Variants in RSU1 observed in about 807,000 individuals in gnomAD.
RSU1 encodes the protein Ras suppressor protein 1, also known as rsu-1.
A neutral mutation model predicts 31.1 loss-of-function variants in RSU1; 26 were observed. That is an observed-to-expected ratio of 0.84 (90% CI 0.61 to 1.16). The LOEUF is 1.16. RSU1 is among the 50% of genes most tolerant of loss of function. The probability of loss-of-function intolerance (pLI) is 0.00; values close to 1 mark genes in which losing one functional copy is unlikely to be tolerated. For synonymous variants in RSU1, 164 were observed against 136.3 expected, an observed-to-expected ratio of 1.20 and a Z score of -1.41; for missense variants, 320 against 339.1, an observed-to-expected ratio of 0.94 and a Z score of 0.44.
chr10:16,614,812 C>T (rs747921389), intron 8 of RSU1, among the ~76,000 whole-genome samples: 40 of 152,222 alleles, frequency 2.6e-4, no homozygotes, highest in Non-Finnish European at 3.8e-4. Flanking sequence ...AGGCAAGAAT[C>T]GTGAACAGGT....
intron 2 of RSU1, among the ~76,000 whole-genome samples, chr10:16,804,821 G>C (rs1838233128): frequency 6.6e-6 from 1 of 152,184 alleles, no homozygotes; most frequent in Non-Finnish European, 1.5e-5. Flanking sequence ...TTTGGAGGTA[G>C]ATAATGAGGG....
At chr10:16,745,514 G>T (rs1031028952) in intron 7 of RSU1, among the ~76,000 whole-genome samples, 1 of 152,156 alleles carries the variant, frequency 6.6e-6, no homozygotes, top group Non-Finnish European at 1.5e-5. Context: ...GGAGAAGCAA[G>T]TCACATCTTA....
chr10:16,762,321 AAT>A (rs1168519413), intron 4 of RSU1, among the ~76,000 whole-genome samples: 1 of 151,178 alleles, frequency 6.6e-6, no homozygotes, highest in Non-Finnish European at 1.5e-5. Flanking sequence ...AAATAGATAT[AAT>A]GTGTACATAT....
intron 8 of RSU1, among the ~76,000 whole-genome samples, chr10:16,621,396 G>A (rs1834068122): frequency 6.6e-6 from 1 of 152,168 alleles, no homozygotes; most frequent in Non-Finnish European, 1.5e-5. Context: ...CCCGTACCCA[G>A]CCTCAGTCCC....
intron 7 of RSU1, among the ~76,000 whole-genome samples, chr10:16,703,087 A>G (rs1835827807): frequency 1.3e-5 from 2 of 152,108 alleles, no homozygotes; most frequent in South Asian, 4.1e-4. Flanking sequence ...TCCTGCTCCC[A>G]CCATGTGAGT....
chr10:16,655,177 A>T (rs1834757503), intron 8 of RSU1, among the ~76,000 whole-genome samples: 1 of 152,178 alleles, frequency 6.6e-6, no homozygotes, highest in South Asian at 2.1e-4. Flanking sequence ...CACTTGCTTC[A>T]ATTCAATTGT....
At chr10:16,758,934 G>A (rs1194258648) in intron 4 of RSU1, among the ~76,000 whole-genome samples, 2 of 152,102 alleles carry the variant, frequency 1.3e-5, no homozygotes, top group Non-Finnish European at 2.9e-5. Context: ...TGTTTGCATG[G>A]GAAGATTTTT....
chr10:16,643,733 A>T lies in RSU1; in HGVS notation c.732-50237T>A, dbSNP rs12266402. ...TTGGAACATGGTTCTCCAAATGCGCATACTAAGAGCACCTGCCTTAAAGGG... is the reference window on the plus strand; with the variant it reads ...TTGGAACATGGTTCTCCAAATGCGCTTACTAAGAGCACCTGCCTTAAAGGG... On this transcript the variant is annotated intron_variant, in intron 8 of 8. Transcript: ENST00000345264. 9.6e-3 allele frequency among the ~76,000 whole-genome samples: 1,467 copies of T among 152,272 alleles called. 20 individuals carry two copies. The highest frequency in any genetic ancestry group is 0.033 in the African/African-American group (1,379 of 41,544).
At chr10:16,815,697 T>G (rs1485534902) in intron 2 of RSU1, among the ~76,000 whole-genome samples, 1 of 152,026 alleles carries the variant, frequency 6.6e-6, no homozygotes, top group African/African-American at 2.4e-5. Flanking sequence ...AAAAAATCAG[T>G]ACAATCCTAT....
intron 2 of RSU1, among the ~76,000 whole-genome samples, chr10:16,797,666 T>C (rs1276789986): frequency 3.3e-5 from 5 of 151,956 alleles, no homozygotes; most frequent in African/African-American, 1.2e-4. Context: ...ACAACAATGA[T>C]ACATGACACA....
intron 8 of RSU1, among the ~76,000 whole-genome samples, chr10:16,664,532 G>A (rs554115840): frequency 2.6e-5 from 4 of 152,316 alleles, no homozygotes; most frequent in African/African-American, 9.6e-5. Flanking sequence ...ATAAATGAGT[G>A]TTTCAAAACA....
At chr10:16,673,686 C>A (rs73603172) in intron 8 of RSU1, among the ~76,000 whole-genome samples, 1 of 152,116 alleles carries the variant, frequency 6.6e-6, no homozygotes, top group African/African-American at 2.4e-5. Context: ...GGATGAGCAA[C>A]GGCACAGCCT....
At chr10:16,797,770 G>A (rs143018680) in intron 2 of RSU1, among the ~76,000 whole-genome samples, 2 of 149,882 alleles carry the variant, frequency 1.3e-5, no homozygotes, top group East Asian at 3.9e-4. Context: ...TTTCAGAAAT[G>A]AAAGCTAAAT....
At chr10:16,683,856 T>C (rs1835384422) in intron 8 of RSU1, among the ~76,000 whole-genome samples, 1 of 152,240 alleles carries the variant, frequency 6.6e-6, no homozygotes, top group Non-Finnish European at 1.5e-5. Context: ...AATTCAATTG[T>C]TCAACTTCGA....
chr10:16,711,262 T>C (rs1424486878), intron 7 of RSU1, among the ~76,000 whole-genome samples: 1 of 152,196 alleles, frequency 6.6e-6, no homozygotes, highest in Non-Finnish European at 1.5e-5. Context: ...AACATCTCCT[T>C]TTCCATCTCT....
chr10:16,603,178 A>G (rs7070681), intron 8 of RSU1, among the ~76,000 whole-genome samples: 49,503 of 152,104 alleles, frequency 0.33, 12,976 homozygotes, highest in African/African-American at 0.73. Flanking sequence ...GTATAAACAT[A>G]CATGCACAAA....
rs554544920 is a variant in RSU1 at position 16,774,929 on chromosome 10, C to T, written c.160+7105G>A. Among the ~76,000 whole-genome samples the T allele has an allele frequency of 5.9e-5, 9 of 151,870 alleles. No individual in the cohort carries two copies. The South Asian group carries it at 1.3e-3, about 21-fold the overall frequency. The stretch of plus-strand genomic sequence containing the variant: ...GTCCAGCCTGGGCAAATTAGCCAGG[C>T]GTGGTGGTGCACATCTATCTAGGAG... On this transcript the variant is annotated intron_variant, in intron 3 of 8. Transcript: ENST00000345264.
intron 8 of RSU1, among the ~76,000 whole-genome samples, chr10:16,660,322 T>A (rs754416726): frequency 3.9e-5 from 6 of 152,140 alleles, no homozygotes; most frequent in Admixed American, 2.6e-4. Flanking sequence ...GGCTTGAACA[T>A]AAAGTTCACG....
chr10:16,797,535 T>C (rs1449508503), intron 2 of RSU1, among the ~76,000 whole-genome samples: 1 of 152,046 alleles, frequency 6.6e-6, no homozygotes, highest in East Asian at 1.9e-4. Context: ...TATTATGGAA[T>C]AAAAGGAAAA....
Sources: gnomAD v4.1 joint callset for allele counts (sites outside exome capture counted in the v4.1 genomes callset) on GRCh38, gnomAD v4.1.1 for gene constraint, MANE v1.5 for transcripts, NCBI Gene and HGNC (gene_info 2026-07-23, HGNC 2026-07-21) for gene names.